ZMAT4: variants seen among roughly 807,000 people sequenced by gnomAD.
ZMAT4 encodes zinc finger matrin-type 4.
ZMAT4 carries 17 observed loss-of-function variants against 28.7 expected under a neutral mutation model. The observed-to-expected ratio is 0.59, with a 90% CI of 0.41 to 0.89. ZMAT4 has a LOEUF of 0.89. ZMAT4 is among the 40% of genes least tolerant of loss of function. The pLI is 0.00. For missense variants in ZMAT4, 240 were observed against 283.8 expected (o/e 0.85, Z 1.11); for synonymous variants, 117 against 109.2 (o/e 1.07, Z -0.44).
intron 1 of ZMAT4, among the ~76,000 whole-genome samples, chr8:40,842,636 A>T (rs1816742801): frequency 6.6e-6 from 1 of 152,182 alleles, no homozygotes; most frequent in Non-Finnish European, 1.5e-5. Context: ...AGTGACATAG[A>T]AAGTCCATGA....
intron 6 of ZMAT4, among the ~76,000 whole-genome samples, chr8:40,574,909 G>A (rs948826385): frequency 2.0e-5 from 3 of 152,178 alleles, no homozygotes; most frequent in East Asian, 1.9e-4. Flanking sequence ...CCAAAAGTAG[G>A]AGCCCACATT....
At chr8:40,707,975 C>A (rs1027169194) in intron 3 of ZMAT4, among the ~76,000 whole-genome samples, 2 of 152,014 alleles carry the variant, frequency 1.3e-5, no homozygotes, top group African/African-American at 4.8e-5. Context: ...GCAGTGGTAT[C>A]GTTTTTTTAA....
intron 5 of ZMAT4, among the ~76,000 whole-genome samples, chr8:40,586,870 G>T (rs917446393): frequency 6.6e-6 from 1 of 152,092 alleles, no homozygotes; most frequent in Non-Finnish European, 1.5e-5. Context: ...ATAATTAAAG[G>T]TTGTGAAAGT....
At chr8:40,532,304 C>A (rs1429965) in intron 6 of ZMAT4, 66 bp from the exon 7 acceptor site, 204,729 of 1,398,876 alleles carry the variant, frequency 0.15, 18,392 homozygotes, top group African/African-American at 0.38. Flanking sequence ...ACCTCTTTCT[C>A]CCCCCCACCC....
chr8:40,882,657 C>G (rs1210164788), intron 1 of ZMAT4, among the ~76,000 whole-genome samples: 1 of 152,202 alleles, frequency 6.6e-6, no homozygotes, highest in East Asian at 1.9e-4. Flanking sequence ...TCCTGGAACA[C>G]TTTGTATGTT....
intron 2 of ZMAT4, among the ~76,000 whole-genome samples, chr8:40,804,560 G>A (rs918031419): frequency 6.6e-6 from 1 of 152,100 alleles, no homozygotes; most frequent in Non-Finnish European, 1.5e-5. Context: ...TTAAGACCAG[G>A]CCAGGAGCGG....
intron 3 of ZMAT4, among the ~76,000 whole-genome samples, chr8:40,723,414 G>C (rs1039744970): frequency 6.6e-6 from 1 of 151,760 alleles, no homozygotes; most frequent in Admixed American, 6.6e-5. Flanking sequence ...ATGGTGGCAG[G>C]CACCTGTAAT....
chr8:40,841,042 C>T lies in ZMAT4; in HGVS notation c.-4-15362G>A, dbSNP rs551647830. 9.9e-5 allele frequency among the ~76,000 whole-genome samples: 15 copies of T among 152,274 alleles called. No homozygotes were observed. The South Asian group carries it at 3.1e-3, about 32-fold the overall frequency. ...TAATGGAAACTGTGTACAATAGAAC[C>T]CTGTTGGATGCTGGCGTCAGGGGCA... On this transcript the variant is annotated intron_variant, in intron 1 of 6. Transcript: ENST00000297737.
chr8:40,806,192 C>T (rs1192578117), intron 2 of ZMAT4, among the ~76,000 whole-genome samples: 1 of 152,174 alleles, frequency 6.6e-6, no homozygotes, highest in Non-Finnish European at 1.5e-5. Context: ...GCATTTGCAA[C>T]TTTTTGCATG....
intron 5 of ZMAT4, among the ~76,000 whole-genome samples, chr8:40,601,503 A>AAGAAAGAAAGAG (rs1563360176): frequency 7.9e-6 from 1 of 127,126 alleles, no homozygotes; most frequent in African/African-American, 2.9e-5. Context: ...GAGAGAAAGA[A>AAGAAAGAAAGAG]AGAAAGAGAA....
chr8:40,610,629 T>A (rs1352466829), intron 5 of ZMAT4, among the ~76,000 whole-genome samples: 1 of 152,170 alleles, frequency 6.6e-6, no homozygotes, highest in East Asian at 1.9e-4. Context: ...ATAGCATGAA[T>A]ACAATTTAAT....
At chr8:40,735,849 G>A (rs557678929) in intron 3 of ZMAT4, among the ~76,000 whole-genome samples, 1 of 152,262 alleles carries the variant, frequency 6.6e-6, no homozygotes, top group South Asian at 2.1e-4. Context: ...GGGCGCTCGG[G>A]AAGCATCTTC....
intron 1 of ZMAT4, among the ~76,000 whole-genome samples, chr8:40,827,735 T>C (rs1404562299): frequency 6.6e-6 from 1 of 152,254 alleles, no homozygotes; most frequent in African/African-American, 2.4e-5. Flanking sequence ...GGACCACACC[T>C]GGCAGGTGGC....
chr8:40,635,384 T>A (rs1806754073), intron 5 of ZMAT4, among the ~76,000 whole-genome samples: 1 of 152,106 alleles, frequency 6.6e-6, no homozygotes, highest in African/African-American at 2.4e-5. Flanking sequence ...TGTTGCCTCT[T>A]AAGAACACCC....
At chr8:40,655,059 TACACAC>T (rs3038823) in intron 5 of ZMAT4, among the ~76,000 whole-genome samples, 1 of 148,792 alleles carries the variant, frequency 6.7e-6, no homozygotes, top group Non-Finnish European at 1.5e-5. Context: ...AAGGAATACC[TACACAC>T]ACACACACAC....
intron 5 of ZMAT4, among the ~76,000 whole-genome samples, chr8:40,606,998 G>T (rs377675182): frequency 6.6e-6 from 1 of 151,052 alleles, no homozygotes; most frequent in African/African-American, 2.4e-5. Context: ...CAATTCTATT[G>T]TTGAGAGTTT....
intron 3 of ZMAT4, among the ~76,000 whole-genome samples, chr8:40,700,216 A>G (rs1279506222): frequency 6.6e-6 from 1 of 151,720 alleles, no homozygotes; most frequent in East Asian, 2.0e-4. Context: ...AGAGTCTCAT[A>G]TTGGACTCAC....
intron 3 of ZMAT4, among the ~76,000 whole-genome samples, chr8:40,733,980 T>A (rs545677675): frequency 6.6e-6 from 1 of 152,208 alleles, no homozygotes; most frequent in East Asian, 1.9e-4. Flanking sequence ...ACTAAAATGG[T>A]GGAGACACTA....
At chr8:40,665,927 AT>A (rs1427323086) in intron 5 of ZMAT4, among the ~76,000 whole-genome samples, 1 of 152,192 alleles carries the variant, frequency 6.6e-6, no homozygotes, top group Non-Finnish European at 1.5e-5. Context: ...TCTTGGAAAC[AT>A]TATTAAATTT....
Sources: gnomAD v4.1 joint callset for allele counts (sites outside exome capture counted in the v4.1 genomes callset) on GRCh38, gnomAD v4.1.1 for gene constraint, MANE v1.5 for transcripts, NCBI Gene and HGNC (gene_info 2026-07-23, HGNC 2026-07-21) for gene names.